SLC8A3: variants seen among roughly 807,000 people sequenced by gnomAD.
SLC8A3 encodes the protein sodium/calcium exchanger 3.
SLC8A3 carries 37 observed loss-of-function variants against 65.4 expected under a neutral mutation model. The ratio of observed to expected loss-of-function variants is 0.57; its 90% CI spans 0.44 to 0.74. SLC8A3 has a LOEUF of 0.74. Ranked by LOEUF, SLC8A3 falls within the 30% of genes least tolerant of loss-of-function variation. The pLI is 0.00. For missense variants in SLC8A3, 1,112 were observed against 1,172.1 expected, an observed-to-expected ratio of 0.95 and a Z score of 0.75; for synonymous variants, 461 against 444.5, an observed-to-expected ratio of 1.04 and a Z score of -0.47.
intron 2 of SLC8A3, among the ~76,000 whole-genome samples, chr14:70,104,528 G>A (rs12436045): frequency 8.6e-4 from 130 of 151,816 alleles, no homozygotes; most frequent in African/African-American, 3.0e-3. Flanking sequence ...CCTACTTATC[G>A]CTGGTAATAT....
At chr14:70,083,920 A>G (rs1286008435) in intron 2 of SLC8A3, among the ~76,000 whole-genome samples, 6 of 152,216 alleles carry the variant, frequency 3.9e-5, no homozygotes, top group Non-Finnish European at 8.8e-5. Flanking sequence ...GTCCATTTCC[A>G]TGGATCAAGG....
At chr14:70,137,338 G>T (rs909107381) in intron 2 of SLC8A3, among the ~76,000 whole-genome samples, 1 of 151,782 alleles carries the variant, frequency 6.6e-6, no homozygotes, top group South Asian at 2.1e-4. Flanking sequence ...TTTTTAGTAG[G>T]GACAGGGTTT....
intron 2 of SLC8A3, among the ~76,000 whole-genome samples, chr14:70,067,237 T>C (rs1889529428): frequency 6.6e-6 from 1 of 152,194 alleles, no homozygotes; most frequent in African/African-American, 2.4e-5. Flanking sequence ...CTGAGTAAAC[T>C]TATCACCTCT....
At chr14:70,140,559 T>C (rs1027916555) in intron 2 of SLC8A3, among the ~76,000 whole-genome samples, 1 of 152,208 alleles carries the variant, frequency 6.6e-6, no homozygotes. Context: ...ACCTCACACC[T>C]TGGGATTCTG....
At chr14:70,115,782 G>A (rs959000495) in intron 2 of SLC8A3, among the ~76,000 whole-genome samples, 18 of 152,102 alleles carry the variant, frequency 1.2e-4, no homozygotes. Flanking sequence ...CTGTGACCTG[G>A]GGCAAGTTAC....
At chr14:70,172,812 G>A (rs1318297388) in intron 1 of SLC8A3, among the ~76,000 whole-genome samples, 3 of 152,188 alleles carry the variant, frequency 2.0e-5, no homozygotes, top group African/African-American at 7.2e-5. Flanking sequence ...AATGTGAAGA[G>A]GGCACTGAGC....
At chr14:70,187,323 G>T (rs1399174541) in intron 1 of SLC8A3, 1 of 159,674 alleles carries the variant, frequency 6.3e-6, no homozygotes, top group Non-Finnish European at 1.3e-5. Flanking sequence ...AGAGAAGCGG[G>T]GGGCGGGGGG....
Position 70,188,802 on chromosome 14 carries a change from C to G in SLC8A3, c.-486G>C. 1 of 152,126 alleles carries G rather than the reference C, an allele frequency of 6.6e-6. No individual in the cohort carries two copies. Among genetic ancestry groups the G allele is most frequent in the East Asian group, 1.9e-4 (1 of 5,144 alleles). The allele number at this position is 152,126 out of a possible 1,614,324, so 9.4% of individuals were successfully genotyped here. ...GCAGGAAGGCAAGCAGCCCGGCGCG[C>G]CCTGGCGGCTCCGAGGGACCTGGGC... On this transcript the variant is annotated 5_prime_UTR_variant, in exon 1 of 7. Transcript: ENST00000356921.
intron 2 of SLC8A3, among the ~76,000 whole-genome samples, chr14:70,122,661 C>A (rs1285916093): frequency 6.6e-6 from 1 of 151,964 alleles, no homozygotes; most frequent in Non-Finnish European, 1.5e-5. Context: ...GTAAACTAAG[C>A]AAAAACAAAC....
Position 70,095,895 on chromosome 14 carries a change from T to A in SLC8A3, c.1785-34956A>T, listed in dbSNP as rs983500618. ...TACCCATATATCTTCTTTTTTTTTT[T>A]CGTTGAGGTGGAATCTCGCTCTGTC... On this transcript the variant is annotated intron_variant, in intron 2 of 6. Coordinates refer to ENST00000356921, the MANE Select transcript of SLC8A3 (RefSeq NM_182932.3). 5.3e-5 allele frequency among the ~76,000 whole-genome samples: 8 copies of A among 152,116 alleles called. No individual in the cohort carries two copies. The East Asian group carries it at 1.5e-3, about 29-fold the overall frequency.
Position 70,186,451 on chromosome 14 carries a change from A to C in SLC8A3, c.-63+1928T>G, listed in dbSNP as rs542763982. Among the ~76,000 whole-genome samples, 39 of 152,344 alleles carry C rather than the reference A, an allele frequency of 2.6e-4. 1 individual carries two copies. The highest frequency in any genetic ancestry group is 2.3e-3 in the South Asian group (11 of 4,828). ...GAAGTAACTAGTGAGCTGAGAGCTG[A>C]AGCTTGAGTAGGAGTACTTTAGGAG... On this transcript the variant is annotated intron_variant, in intron 1 of 6. Coordinates refer to ENST00000356921, the MANE Select transcript of SLC8A3 (RefSeq NM_182932.3).
chr14:70,070,420 G>T (rs1889901813), intron 2 of SLC8A3, among the ~76,000 whole-genome samples: 1 of 152,204 alleles, frequency 6.6e-6, no homozygotes, highest in Non-Finnish European at 1.5e-5. Context: ...GACCAGAAAA[G>T]TTAAGAGACT....
intron 2 of SLC8A3, among the ~76,000 whole-genome samples, chr14:70,067,258 C>T (rs1422850567): frequency 1.3e-5 from 2 of 152,222 alleles, no homozygotes; most frequent in African/African-American, 4.8e-5. Context: ...TCGGAGAGGC[C>T]TTCCATGGCT....
In SLC8A3 at chr14:70,118,700, A is replaced by T. The variant is rs571560439; in HGVS notation, c.1784+47939T>A. ...ATCACAATATAAAGCCTCAAAAGAC[A>T]TTCCAAGAGGCCTTTGAAGCATCTC... On this transcript the variant is annotated intron_variant, in intron 2 of 6. Transcript: ENST00000356921. Among the ~76,000 whole-genome samples, 3 of 152,352 alleles carry T rather than the reference A, an allele frequency of 2.0e-5. No homozygotes were observed. In the East Asian group the frequency reaches 5.8e-4, roughly 29 times the overall value.
At chr14:70,104,304 A>G (rs1024286782) in intron 2 of SLC8A3, among the ~76,000 whole-genome samples, 2 of 152,152 alleles carry the variant, frequency 1.3e-5, no homozygotes, top group Non-Finnish European at 2.9e-5. Flanking sequence ...TTTATACCCA[A>G]TGACTACAGA....
intron 5 of SLC8A3, 121 bp from the exon 6 acceptor site, chr14:70,049,163 T>C: frequency 9.9e-7 from 1 of 1,008,118 alleles, no homozygotes; most frequent in African/African-American, 1.6e-5. Flanking sequence ...AGCTGTCTTC[T>C]GGGCAGCTGG....
chr14:70,174,683 T>G (rs1484246112), intron 1 of SLC8A3, among the ~76,000 whole-genome samples: 1 of 132,660 alleles, frequency 7.5e-6, no homozygotes, highest in East Asian at 2.0e-4. Flanking sequence ...TTTTTTTTTT[T>G]TTTTTTTGCC....
intron 2 of SLC8A3, among the ~76,000 whole-genome samples, chr14:70,113,680 A>C (rs1893462376): frequency 6.6e-6 from 1 of 152,230 alleles, no homozygotes; most frequent in Non-Finnish European, 1.5e-5. Flanking sequence ...AAGAGAGATT[A>C]AAAATGAGGT....
chr14:70,111,833 A>C lies in SLC8A3; in HGVS notation c.1785-50894T>G, dbSNP rs139053813. On this transcript the variant is annotated intron_variant, in intron 2 of 6. Transcript: ENST00000356921. The stretch of plus-strand genomic sequence containing the variant: ...GCAATGATAATTTGGGATAAATTTT[A>C]AAGTAAGTCCCTGATTTTGACAGGT... 3.7e-3 allele frequency among the ~76,000 whole-genome samples: 561 copies of C among 152,334 alleles called. 6 individuals carry two copies. The highest frequency in any genetic ancestry group is 3.1e-3 in the Non-Finnish European group (209 of 68,030).
Sources: allele counts gnomAD v4.1 joint callset (sites outside exome capture counted in the v4.1 genomes callset), GRCh38; gene constraint gnomAD v4.1.1; transcripts MANE v1.5; gene names NCBI Gene and HGNC (gene_info 2026-07-23, HGNC 2026-07-21).